The following TPH2 variants were observed in gnomAD, a reference collection of about 807,000 sequenced individuals.
The protein encoded by TPH2 is tryptophan 5-hydroxylase 2.
TPH2 carries 27 observed loss-of-function variants against 59.1 expected under a neutral mutation model. That is an observed-to-expected ratio of 0.46 (90% CI 0.34 to 0.63). The LOEUF is 0.63. Ranked by LOEUF, TPH2 falls within the 30% of genes least tolerant of loss-of-function variation. The probability of loss-of-function intolerance (pLI) is 0.01; values close to 1 mark genes in which losing one functional copy is unlikely to be tolerated. For synonymous variants in TPH2, 220 were observed against 210.5 expected, an observed-to-expected ratio of 1.05 and a Z score of -0.39; for missense variants, 523 against 588.3, an observed-to-expected ratio of 0.89 and a Z score of 1.15.
At chr12:71,980,713 G>T (rs904934620) in intron 7 of TPH2, among the ~76,000 whole-genome samples, 2 of 152,240 alleles carry the variant, frequency 1.3e-5, no homozygotes, top group Admixed American at 6.5e-5. Flanking sequence ...CACTTTGTTA[G>T]TTCCCTTTGA....
At chr12:72,016,108 T>C (rs1358063921) in intron 8 of TPH2, among the ~76,000 whole-genome samples, 1 of 152,150 alleles carries the variant, frequency 6.6e-6, no homozygotes, top group African/African-American at 2.4e-5. Flanking sequence ...GGCAAACCAC[T>C]TGAACTTTGA....
intron 8 of TPH2, among the ~76,000 whole-genome samples, chr12:72,016,555 C>T (rs1234780607): frequency 6.6e-6 from 1 of 152,078 alleles, no homozygotes; most frequent in East Asian, 1.9e-4. Context: ...ACATCTCAAA[C>T]CAATCTCAAA....
intron 1 of TPH2, 129 bp downstream of exon 1, chr12:71,939,220 T>A: frequency 1.3e-6 from 1 of 743,836 alleles, no homozygotes; most frequent in Non-Finnish European, 2.4e-6. Flanking sequence ...ATAATCTGTC[T>A]ACCCTGCTTT....
chr12:72,020,715 G>C (rs893643162), intron 8 of TPH2, among the ~76,000 whole-genome samples: 4 of 152,122 alleles, frequency 2.6e-5, no homozygotes, highest in African/African-American at 9.7e-5. Context: ...TTGAACTCCT[G>C]ACCTTAGGTG....
At chr12:71,980,600 T>A (rs1872247491) in intron 7 of TPH2, among the ~76,000 whole-genome samples, 1 of 152,176 alleles carries the variant, frequency 6.6e-6, no homozygotes, top group African/African-American at 2.4e-5. Flanking sequence ...GAAATGCTTC[T>A]TTCAGTGGAG....
chr12:71,950,504 C>G (rs1440696755), intron 5 of TPH2, among the ~76,000 whole-genome samples: 1 of 152,088 alleles, frequency 6.6e-6, no homozygotes, highest in African/African-American at 2.4e-5. Context: ...GTGTTTGTGA[C>G]TGGAAATGGT....
At chr12:72,013,528 G>A (rs1282963144) in intron 8 of TPH2, among the ~76,000 whole-genome samples, 1 of 152,012 alleles carries the variant, frequency 6.6e-6, no homozygotes, top group Non-Finnish European at 1.5e-5. Context: ...TTCTCTTCTT[G>A]CAGTCCTTCT....
At chr12:71,974,949 A>AT (rs140494725) in intron 6 of TPH2, among the ~76,000 whole-genome samples, 8 of 151,918 alleles carry the variant, frequency 5.3e-5, no homozygotes, top group South Asian at 2.1e-4. Context: ...GGACTGGCAA[A>AT]TTTTTTTTGT....
At chr12:71,987,770 T>G (rs2139216416) in intron 7 of TPH2, among the ~76,000 whole-genome samples, 1 of 152,242 alleles carries the variant, frequency 6.6e-6, no homozygotes, top group Non-Finnish European at 1.5e-5. Context: ...GAGAATCGCT[T>G]GAACCCGGGA....
In TPH2 at chr12:71,963,256, G is replaced by A. The variant is rs779436980; in HGVS notation, c.609-9263G>A. Among the ~76,000 whole-genome samples the A allele has an allele frequency of 2.7e-4, 13 of 48,598 alleles. 5 individuals carry two copies. The highest frequency in any genetic ancestry group is 5.7e-4 in the Non-Finnish European group (11 of 19,428). The allele number at this position is 48,598 out of a possible 152,430, so 31.9% of individuals were successfully genotyped here. On this transcript the variant is annotated intron_variant, in intron 5 of 10. Transcript: ENST00000333850. The stretch of plus-strand genomic sequence containing the variant: ...ATCCTGAAGTCTAATTTTATCAAAC[G>A]CAGGACTCCCAGACTTTTCTTATGA...
At chr12:71,999,128 T>C (rs1405171604) in intron 8 of TPH2, among the ~76,000 whole-genome samples, 2 of 152,222 alleles carry the variant, frequency 1.3e-5, no homozygotes, top group Non-Finnish European at 2.9e-5. Flanking sequence ...GCTTTTGAAC[T>C]TCTTGGTCTG....
chr12:71,959,032 C>T (rs80053499), intron 5 of TPH2, among the ~76,000 whole-genome samples: 1 of 149,368 alleles, frequency 6.7e-6, no homozygotes, highest in Non-Finnish European at 1.5e-5. Context: ...TTGATTCTAA[C>T]CTTCTATTCT....
intron 8 of TPH2, among the ~76,000 whole-genome samples, chr12:72,019,994 A>C (rs555238827): frequency 7.2e-5 from 11 of 152,346 alleles, no homozygotes; most frequent in Non-Finnish European, 1.6e-4. Flanking sequence ...AGCTTAACTT[A>C]GAGATCATTA....
chr12:72,031,276 G>GC lies in TPH2; in HGVS notation c.1184dup (p.Cys396MetfsTer6). ...TTTGCAGCACGCCCTTTCTGACAAGGCATGTGTGAAAGCCTTTGACCCAAA... is the reference window on the plus strand; with the variant it reads ...TTTGCAGCACGCCCTTTCTGACAAGGCCATGTGTGAAAGCCTTTGACCCAAA... On this transcript the variant is annotated frameshift_variant, in exon 10 of 11. Coordinates refer to ENST00000333850, the MANE Select transcript of TPH2 (RefSeq NM_173353.4). LOFTEE classifies it high-confidence loss of function. 6.2e-7 allele frequency: 1 copy of GC among 1,613,522 alleles called. No individual in the cohort carries two copies. Among genetic ancestry groups the GC allele is most frequent in the Non-Finnish European group, 8.5e-7 (1 of 1,179,540 alleles).
intron 8 of TPH2, among the ~76,000 whole-genome samples, chr12:72,008,171 C>T (rs1873005538): frequency 1.3e-5 from 2 of 152,166 alleles, no homozygotes; most frequent in Non-Finnish European, 2.9e-5. Context: ...AGGTGGCTTC[C>T]TGAGGGGAGG....
At chr12:72,013,932 T>C (rs561323668) in intron 8 of TPH2, among the ~76,000 whole-genome samples, 5 of 152,228 alleles carry the variant, frequency 3.3e-5, no homozygotes, top group Admixed American at 1.3e-4. Flanking sequence ...CTGAGGGGTC[T>C]TCACCTTTCC....
chr12:71,981,273 G>T (rs993433597), intron 7 of TPH2, among the ~76,000 whole-genome samples: 7 of 152,328 alleles, frequency 4.6e-5, no homozygotes, highest in South Asian at 2.1e-4. Flanking sequence ...TATGTATTAG[G>T]GGTGAAATGT....
chr12:72,015,611 G>T (rs535738838), intron 8 of TPH2, among the ~76,000 whole-genome samples: 4 of 152,196 alleles, frequency 2.6e-5, no homozygotes, highest in Admixed American at 1.3e-4. Context: ...GAGCCACCGC[G>T]CCCGGCTTTA....
At chr12:71,950,946 G>A (rs1165092425) in intron 5 of TPH2, among the ~76,000 whole-genome samples, 1 of 152,030 alleles carries the variant, frequency 6.6e-6, no homozygotes, top group Admixed American at 6.5e-5. Flanking sequence ...CAAGTCCCAG[G>A]CATCCTTCGT....
Sources: gnomAD v4.1 joint callset for allele counts (sites outside exome capture counted in the v4.1 genomes callset) on GRCh38, gnomAD v4.1.1 for gene constraint, MANE v1.5 for transcripts, NCBI Gene and HGNC (gene_info 2026-07-23, HGNC 2026-07-21) for gene names.